Variants in RUSC2 observed in about 807,000 individuals in gnomAD.
RUSC2 encodes AP-4 complex accessory subunit RUSC2.
A neutral mutation model predicts 122.2 loss-of-function variants in RUSC2; 34 were observed. The ratio of observed to expected loss-of-function variants is 0.28; its 90% CI spans 0.21 to 0.37. The LOEUF is 0.37. Among genes scored for constraint, RUSC2 ranks in the 10% least tolerant of loss-of-function variants. RUSC2 has a pLI of 1.00. For synonymous variants in RUSC2, 784 were observed against 790.0 expected (o/e 0.99, Z 0.13); for missense variants, 1,747 against 1,952.4 (o/e 0.89, Z 1.98).
rs778612044 is a variant in RUSC2 at position 35,547,979 on chromosome 9, C to T, written c.1458C>T (p.Pro486=). 1.7e-5 allele frequency: 27 copies of T among 1,614,076 alleles called. No homozygotes were observed. The highest frequency in any genetic ancestry group is 2.2e-5 in the Non-Finnish European group (26 of 1,180,048). The part of the protein sequence containing the change: ...LEGQVYTNTS[P]PNLSTGRQRS... ...GACAAGTATACACGAATACTTCACC[C>T]CCCAACCTCAGCACTGGACGTCAGC... Residue 486 remains proline, a synonymous_variant, in exon 2 of 12, where the codon CCC becomes CCT. Transcript: ENST00000361226. The surrounding 1 kb of genome is among the most constrained non-coding windows in gnomAD (Gnocchi z 4.6).
intron 1 of RUSC2, among the ~76,000 whole-genome samples, chr9:35,530,241 C>T (rs1033937329): frequency 3.3e-5 from 5 of 151,844 alleles, no homozygotes; most frequent in African/African-American, 1.2e-4. Context: ...GTGAGCCACC[C>T]TACCTGGCCA....
intron 2 of RUSC2, among the ~76,000 whole-genome samples, chr9:35,551,817 T>C (rs145190121): frequency 1.6e-3 from 237 of 152,196 alleles, no homozygotes; most frequent in African/African-American, 5.4e-3. Flanking sequence ...CCCAGCACTT[T>C]GGGAGGCTGA....
intron 1 of RUSC2, among the ~76,000 whole-genome samples, chr9:35,515,876 C>T (rs531074379): frequency 1.3e-5 from 2 of 151,236 alleles, no homozygotes; most frequent in East Asian, 3.9e-4. Context: ...GCGCGCACCT[C>T]TAATCTCAGC....
At chr9:35,506,155 T>C (rs1820912381) in intron 1 of RUSC2, among the ~76,000 whole-genome samples, 1 of 152,174 alleles carries the variant, frequency 6.6e-6, no homozygotes, top group Non-Finnish European at 1.5e-5. Context: ...ACAAAATCAA[T>C]GGGGACGGGC....
At chr9:35,491,890 T>G (rs1400110906) in intron 1 of RUSC2, among the ~76,000 whole-genome samples, 1 of 152,130 alleles carries the variant, frequency 6.6e-6, no homozygotes, top group Admixed American at 6.5e-5. Context: ...GGAGAACCCC[T>G]TGAACCTGGG....
intron 1 of RUSC2, among the ~76,000 whole-genome samples, chr9:35,534,450 A>ACG (rs1821483426): frequency 6.6e-6 from 1 of 150,918 alleles, no homozygotes; most frequent in Non-Finnish European, 1.5e-5. Context: ...ACACACACAC[A>ACG]CACACACAAT....
rs756503967 is a variant in RUSC2, at chr9:35,560,735, C to T, written c.4095C>T (p.Pro1365=). ...ELRRSREREG[P]AASPAENEEG... ...GGCGCAGTCGGGAGAGGGAAGGGCC[C>T]GCTGCCTCGCCAGCAGAAAATGAGG... The change falls in exon 10 of 12, where the codon CCC becomes CCT. Residue 1365 remains proline (P), a synonymous_variant. Coordinates refer to ENST00000361226, the MANE Select transcript of RUSC2 (RefSeq NM_014806.5). The T allele has an allele frequency of 1.6e-5, 25 of 1,538,254 alleles. 1 individual carries two copies. The highest frequency in any genetic ancestry group is 3.5e-4 in the Middle Eastern group (2 of 5,766).
Position 35,490,116 on chromosome 9 carries a change from A to ACGC in RUSC2, c.-128_-126dup, listed in dbSNP as rs139160591. The ACGC allele has an allele frequency of 9.8e-4, 151 of 154,492 alleles. No individual in the cohort carries two copies. Among genetic ancestry groups the ACGC allele is most frequent in the African/African-American group, 2.0e-3 (81 of 39,918 alleles). 9.6% of individuals were successfully genotyped at this position (154,492 alleles called of 1,614,324 possible). On this transcript the variant is annotated 5_prime_UTR_variant, in exon 1 of 12. Coordinates refer to ENST00000361226, the MANE Select transcript of RUSC2 (RefSeq NM_014806.5). Reference sequence around the variant, plus strand: ...CAACGCGACCCCTGGAGGGCGAGACACGCCGCCGCCGCCGCCGCCGCCGGC... The same window carrying ACGC: ...CAACGCGACCCCTGGAGGGCGAGACACGCCGCCGCCGCCGCCGCCGCCGCCGGC...
chr9:35,552,690 G>A (rs1251351880), intron 2 of RUSC2, among the ~76,000 whole-genome samples: 1 of 152,162 alleles, frequency 6.6e-6, no homozygotes, highest in Non-Finnish European at 1.5e-5. Context: ...TTGAGTTCTG[G>A]GTACCACATC....
chr9:35,507,533 A>G (rs1209625505), intron 1 of RUSC2: 2 of 190,214 alleles, frequency 1.1e-5, no homozygotes, highest in Non-Finnish European at 2.2e-5. Context: ...CTCTAAATTC[A>G]TCATTACCAG....
At chr9:35,497,115 TAGAG>T (rs898504333) in intron 1 of RUSC2, among the ~76,000 whole-genome samples, 3 of 152,284 alleles carry the variant, frequency 2.0e-5, no homozygotes. Flanking sequence ...TCCTTCCCCT[TAGAG>T]AGTGAGTACA....
chr9:35,561,563 C>G lies in RUSC2; in HGVS notation c.*181C>G, dbSNP rs1822178008. On this transcript the variant is annotated 3_prime_UTR_variant, in exon 12 of 12. Transcript: ENST00000361226. ...TACGCCCCCTTAACTGTCCCAGTGA[C>G]CTTGTCCAGACCTCCACCCAGGAGA... is the stretch of plus-strand genomic sequence containing the variant. The G allele has an allele frequency of 9.8e-6, 6 of 611,328 alleles. No individual in the cohort carries two copies. Among genetic ancestry groups the G allele is most frequent in the Non-Finnish European group, 1.4e-5 (5 of 348,726 alleles). The allele number at this position is 611,328 out of a possible 1,614,324, so 37.9% of individuals were successfully genotyped here.
intron 1 of RUSC2, among the ~76,000 whole-genome samples, chr9:35,502,102 A>G (rs1820826967): frequency 6.6e-6 from 1 of 152,130 alleles, no homozygotes; most frequent in Non-Finnish European, 1.5e-5. Flanking sequence ...CACCCGGATC[A>G]CCCCTGAAAT....
rs1336572608 is a variant in RUSC2, at chr9:35,555,254, C to T, written c.2209C>T (p.Pro737Ser). 8.1e-6 allele frequency: 13 copies of T among 1,613,246 alleles called. No homozygotes were observed. Among genetic ancestry groups the T allele is most frequent in the Non-Finnish European group, 1.1e-5 (13 of 1,180,030 alleles). ...RTQQPAPLAA[P>S]AAQVSVPAPS... ...ACAGCAGCCTGCCCCACTGGCTGCC[C>T]CTGCTGCTCAAGTCTCAGTCCCAGC... The change falls in exon 3 of 12, where the codon CCT (proline) becomes TCT (serine). Residue 737 changes from proline to serine, a missense_variant. By Grantham distance (74) the Pro-to-Ser change is moderately conservative. Coordinates refer to ENST00000361226, the MANE Select transcript of RUSC2 (RefSeq NM_014806.5). This position sits in a 1 kb window ranked among gnomAD's most constrained non-coding sequence, Gnocchi z 4.6.
Position 35,557,518 on chromosome 9 carries a change from A to G in RUSC2, c.2984-396A>G, listed in dbSNP as rs1443336418. ...TGAGGGTATGGCAGAGAGTGCTGAC[A>G]AGCCATGTGTCAAAGAACCGCCCTT... On this transcript the variant is annotated intron_variant, in intron 5 of 11. Transcript: ENST00000361226. The surrounding 1 kb of genome is among the most constrained non-coding windows in gnomAD (Gnocchi z 4.6). Among the ~76,000 whole-genome samples, 1 of 152,166 alleles carries G rather than the reference A, an allele frequency of 6.6e-6. No homozygotes were observed. Among genetic ancestry groups the G allele is most frequent in the Non-Finnish European group, 1.5e-5 (1 of 68,028 alleles).
chr9:35,500,958 CCTTT>C (rs1820808915), intron 1 of RUSC2, among the ~76,000 whole-genome samples: 1 of 152,134 alleles, frequency 6.6e-6, no homozygotes. Context: ...ATTTGTGAGT[CCTTT>C]CTAACAACCA....
intron 1 of RUSC2, among the ~76,000 whole-genome samples, chr9:35,540,814 T>C (rs913700956): frequency 3.3e-5 from 5 of 152,164 alleles, no homozygotes; most frequent in Admixed American, 1.3e-4. Context: ...ATCATTTTCT[T>C]TGGAAGGCCG....
chr9:35,494,955 CATATATAAAATTTATATATATTATATA>C (rs894932390), intron 1 of RUSC2, among the ~76,000 whole-genome samples: 3 of 113,908 alleles, frequency 2.6e-5, no homozygotes, highest in African/African-American at 1.0e-4. Flanking sequence ...ATATATTATA[CATATATAAAATTTATATATATTATATA>C]ATATATATTT....
intron 1 of RUSC2, among the ~76,000 whole-genome samples, chr9:35,498,153 T>G (rs1253141973): frequency 1.2e-5 from 1 of 84,986 alleles, no homozygotes; most frequent in Non-Finnish European, 2.9e-5. Context: ...ATAATTTTAG[T>G]TTTGGTTTTT....
Sources: gnomAD v4.1 joint callset for allele counts (sites outside exome capture counted in the v4.1 genomes callset) on GRCh38, gnomAD v4.1.1 for gene constraint, Gnocchi (gnomAD v3.1) non-coding constraint, MANE v1.5 for transcripts, NCBI Gene and HGNC (gene_info 2026-07-23, HGNC 2026-07-21) for gene names.